The following BCL2L11 variants were observed in gnomAD, a reference collection of about 807,000 sequenced individuals.
BCL2L11 encodes the protein BCL2 like 11.
In BCL2L11, 15 loss-of-function variants were observed where a neutral mutation model predicts 20.6. The observed-to-expected ratio is 0.73, with a 90% CI of 0.49 to 1.12. BCL2L11 has a LOEUF of 1.12. Among genes scored for constraint, BCL2L11 ranks in the 50% most tolerant of loss-of-function variants. The probability of loss-of-function intolerance (pLI) is 0.00; values close to 1 mark genes in which losing one functional copy is unlikely to be tolerated. For missense variants in BCL2L11, 292 were observed against 260.9 expected (o/e 1.12, Z -0.82); for synonymous variants, 108 against 92.8 (o/e 1.16, Z -0.94).
intron 2 of BCL2L11, among the ~76,000 whole-genome samples, chr2:111,127,815 A>G (rs2073004871): frequency 6.6e-6 from 1 of 152,124 alleles, no homozygotes; most frequent in Non-Finnish European, 1.5e-5. Context: ...TTGTGCTGTC[A>G]TTATTGATAC....
intron 2 of BCL2L11, among the ~76,000 whole-genome samples, chr2:111,149,074 G>A (rs1453934939): frequency 2.0e-5 from 3 of 152,182 alleles, no homozygotes; most frequent in Non-Finnish European, 4.4e-5. Flanking sequence ...TAAGTCACAC[G>A]TGAATAGCGG....
At chr2:111,126,695 T>C (rs771416064) in intron 2 of BCL2L11, among the ~76,000 whole-genome samples, 1 of 152,198 alleles carries the variant, frequency 6.6e-6, no homozygotes, top group Non-Finnish European at 1.5e-5. Flanking sequence ...TTCTCTTGAC[T>C]TTGTTTAGTA....
chr2:111,139,626 T>G (rs1441808366), intron 2 of BCL2L11, among the ~76,000 whole-genome samples: 1 of 152,190 alleles, frequency 6.6e-6, no homozygotes, highest in Non-Finnish European at 1.5e-5. Flanking sequence ...GTGAGTGAGT[T>G]ATGGATCCTT....
At chr2:111,133,170 A>T (rs543427677) in intron 2 of BCL2L11, among the ~76,000 whole-genome samples, 2 of 152,218 alleles carry the variant, frequency 1.3e-5, no homozygotes, top group Admixed American at 6.5e-5. Flanking sequence ...TCATGAAAGT[A>T]TACTTTACTC....
chr2:111,165,119 G>A lies in BCL2L11; in HGVS notation c.*888G>A, dbSNP rs1419673144. 6.6e-6 allele frequency: 1 copy of A among 152,264 alleles called. No individual in the cohort carries two copies. Among genetic ancestry groups the A allele is most frequent in the Non-Finnish European group, 1.5e-5 (1 of 68,050 alleles). 9.4% of individuals were successfully genotyped at this position (152,264 alleles called of 1,614,324 possible). ...TGTTATTAACTGGGAAGCATTTGGT[G>A]TTGGTTTTCATTCCATTTCGACGAG... On this transcript the variant is annotated 3_prime_UTR_variant, in exon 4 of 4. Transcript: ENST00000393256.
At chr2:111,123,298 A>G (rs1221248789) in intron 1 of BCL2L11, 2 of 985,496 alleles carry the variant, frequency 2.0e-6, no homozygotes, top group Non-Finnish European at 2.4e-6. Flanking sequence ...ATGGGGCCGG[A>G]GCAGGGAACG....
chr2:111,126,603 G>A (rs890127610), intron 2 of BCL2L11, among the ~76,000 whole-genome samples: 2 of 152,128 alleles, frequency 1.3e-5, no homozygotes, highest in African/African-American at 2.4e-5. Context: ...TACAATTTAT[G>A]TAGTCCATAA....
At chr2:111,138,871 T>G (rs1400800173) in intron 2 of BCL2L11, among the ~76,000 whole-genome samples, 1 of 152,072 alleles carries the variant, frequency 6.6e-6, no homozygotes. Context: ...CCTCTGAGGG[T>G]CATGGGGAGT....
At chr2:111,124,582 G>T (rs949957708) in intron 2 of BCL2L11, among the ~76,000 whole-genome samples, 1 of 152,192 alleles carries the variant, frequency 6.6e-6, no homozygotes, top group East Asian at 1.9e-4. Context: ...GAGCCACCGC[G>T]CATGGCCCAC....
chr2:111,125,595 A>G lies in BCL2L11; in HGVS notation c.394+1456A>G, dbSNP rs13420675. On this transcript the variant is annotated intron_variant, in intron 2 of 3. Transcript: ENST00000393256. ...CTAAATACCATCCAGCTCTGTCTTC[A>G]TAGGCTTCAGTGAGGTAAATCAGGC... Among the ~76,000 whole-genome samples the G allele has an allele frequency of 8.7e-3, 1,319 of 152,356 alleles. 15 individuals carry two copies. Among genetic ancestry groups the G allele is most frequent in the African/African-American group, 0.03 (1,240 of 41,588 alleles).
Position 111,166,532 on chromosome 2 carries a change from G to GCA in BCL2L11, c.*2302_*2303insAC, listed in dbSNP as rs1373423124. 14 of 152,788 alleles carry GCA rather than the reference G, an allele frequency of 9.2e-5. 1 individual carries two copies. Among genetic ancestry groups the GCA allele is most frequent in the African/African-American group, 3.4e-4 (14 of 41,592 alleles). The allele number at this position is 152,788 out of a possible 1,614,324, so 9.5% of individuals were successfully genotyped here. A position where few individuals can be genotyped will look rare whatever the true frequency, so the allele number is the denominator to read the frequency against. On this transcript the variant is annotated 3_prime_UTR_variant, in exon 4 of 4. Coordinates refer to ENST00000393256, the MANE Select transcript of BCL2L11 (RefSeq NM_138621.5). ...CAAGATGCCTCTGTGCAGAAAGTAT[G>GCA]CCTCCCGTGGGTATACGTTTTTACC...
At chr2:111,125,801 A>G (rs566104184) in intron 2 of BCL2L11, among the ~76,000 whole-genome samples, 8 of 152,300 alleles carry the variant, frequency 5.3e-5, no homozygotes, top group African/African-American at 1.7e-4. Context: ...CCTTAGGGAA[A>G]GGGGCTGGAA....
At chr2:111,143,154 GTAATC>G (rs1307008902) in intron 2 of BCL2L11, among the ~76,000 whole-genome samples, 6 of 152,188 alleles carry the variant, frequency 3.9e-5, no homozygotes, top group African/African-American at 1.4e-4. Flanking sequence ...TCCCCTGAAA[GTAATC>G]TAAAGCTATA....
rs58738963 is a variant in BCL2L11, at chr2:111,145,920, CTTTTTTTTTTTT to C, written c.395-4115_395-4104del. 35 of 733,756 alleles carry C rather than the reference CTTTTTTTTTTTT, an allele frequency of 4.8e-5. 1 individual carries two copies. In the African/African-American group the frequency reaches 7.3e-4, roughly 15 times the overall value. The allele number at this position is 733,756 out of a possible 1,614,324, so 45.5% of individuals were successfully genotyped here. ...TATAAAAGTTTTGATTAGTGGCTTT[CTTTTTTTTTTTT>C]TTTTTTTTGTAACAAGTAAAGAGAA... On this transcript the variant is annotated intron_variant, in intron 2 of 3. Coordinates refer to ENST00000393256, the MANE Select transcript of BCL2L11 (RefSeq NM_138621.5).
In BCL2L11 at chr2:111,166,594, A is replaced by G. The variant is rs1037842052; in HGVS notation, c.*2363A>G. The G allele has an allele frequency of 3.3e-5, 5 of 152,648 alleles. No homozygotes were observed. The highest frequency in any genetic ancestry group is 7.3e-5 in the Non-Finnish European group (5 of 68,036). The allele number at this position is 152,648 out of a possible 1,614,324, so 9.5% of individuals were successfully genotyped here. A position where few individuals can be genotyped will look rare whatever the true frequency, so the allele number is the denominator to read the frequency against. On this transcript the variant is annotated 3_prime_UTR_variant, in exon 4 of 4. Coordinates refer to ENST00000393256, the MANE Select transcript of BCL2L11 (RefSeq NM_138621.5). ...ACATTTTTGTAGAAAAAATAATTAA[A>G]TCCCCTTTTTGGAAACTTACTGCAG... is the stretch of plus-strand genomic sequence containing the variant.
intron 2 of BCL2L11, among the ~76,000 whole-genome samples, chr2:111,143,509 G>A (rs1017646426): frequency 6.6e-6 from 1 of 152,332 alleles, no homozygotes; most frequent in Non-Finnish European, 1.5e-5. Context: ...AATCAAGATT[G>A]AAGTGGGGCT....
At chr2:111,129,554 A>G (rs1476950593) in intron 2 of BCL2L11, among the ~76,000 whole-genome samples, 1 of 152,240 alleles carries the variant, frequency 6.6e-6, no homozygotes, top group Non-Finnish European at 1.5e-5. Flanking sequence ...GCCTAATTAT[A>G]GTATACTGTC....
At chr2:111,149,159 G>T (rs1201284495) in intron 2 of BCL2L11, among the ~76,000 whole-genome samples, 1 of 152,126 alleles carries the variant, frequency 6.6e-6, no homozygotes, top group African/African-American at 2.4e-5. Context: ...ATGCTTTCCT[G>T]GTGGCACATG....
chr2:111,156,459 AG>A (rs1293477469), intron 3 of BCL2L11, among the ~76,000 whole-genome samples: 1 of 152,152 alleles, frequency 6.6e-6, no homozygotes, highest in Non-Finnish European at 1.5e-5. Flanking sequence ...TTAAAGCTGG[AG>A]GAGGCAGCTC....
Sources: gnomAD v4.1 joint callset for allele counts (sites outside exome capture counted in the v4.1 genomes callset) on GRCh38, gnomAD v4.1.1 for gene constraint, MANE v1.5 for transcripts, NCBI Gene and HGNC (gene_info 2026-07-23, HGNC 2026-07-21) for gene names.